Variants in PARD3 observed in about 807,000 individuals in gnomAD.
PARD3 encodes partitioning defective 3 homolog.
PARD3 carries 75 observed loss-of-function variants against 155.4 expected under a neutral mutation model. The ratio of observed to expected loss-of-function variants is 0.48; its 90% CI spans 0.40 to 0.58. The LOEUF (loss-of-function observed/expected upper bound fraction) is 0.58, where lower values mean the gene tolerates loss of function less well. PARD3 is among the 20% of genes least tolerant of loss of function. The pLI, the probability that PARD3 is intolerant of heterozygous loss-of-function variation, is 0.00. For missense variants in PARD3, 1,642 were observed against 1,721.7 expected, an observed-to-expected ratio of 0.95 and a Z score of 0.82; for synonymous variants, 576 against 610.5, an observed-to-expected ratio of 0.94 and a Z score of 0.83.
intron 22 of PARD3, among the ~76,000 whole-genome samples, chr10:34,219,414 A>G (rs1387651843): frequency 6.6e-6 from 1 of 152,234 alleles, no homozygotes; most frequent in Non-Finnish European, 1.5e-5. Flanking sequence ...GAAACCCCAC[A>G]AAAGATGCCA....
At chr10:34,756,475 T>TTTTAAA (rs1564585626) in intron 1 of PARD3, among the ~76,000 whole-genome samples, 1 of 83,776 alleles carries the variant, frequency 1.2e-5, no homozygotes, top group Non-Finnish European at 2.4e-5. Context: ...TTTTTTTTCT[T>TTTTAAA]ATAAAAAAAA....
rs1272982723 is a variant in PARD3 at position 34,471,230 on chromosome 10, A to G, written c.404-967T>C. On this transcript the variant is annotated intron_variant, in intron 3 of 24. Transcript: ENST00000374788. ...TACACGAAAGGTAGTATTTTAGCAA[A>G]TGTATTTGCATAGAAGAGCTTGCTT... is the stretch of plus-strand genomic sequence containing the variant. 2.0e-5 allele frequency among the ~76,000 whole-genome samples: 3 copies of G among 152,330 alleles called. No homozygotes were observed. The East Asian group carries it at 5.8e-4, about 29-fold the overall frequency.
At chr10:34,413,279 A>G (rs1486704975) in intron 5 of PARD3, among the ~76,000 whole-genome samples, 3 of 152,094 alleles carry the variant, frequency 2.0e-5, no homozygotes, top group African/African-American at 7.2e-5. Flanking sequence ...ATGCATTAAT[A>G]CCTGACTCCA....
At chr10:34,592,466 C>CAG (rs1214654022) in intron 2 of PARD3, among the ~76,000 whole-genome samples, 2 of 152,192 alleles carry the variant, frequency 1.3e-5, no homozygotes, top group Non-Finnish European at 2.9e-5. Flanking sequence ...GCACCCCATA[C>CAG]AGAACACTGC....
intron 1 of PARD3, among the ~76,000 whole-genome samples, chr10:34,714,778 T>TAA (rs1326568987): frequency 1.3e-5 from 2 of 149,800 alleles, no homozygotes; most frequent in African/African-American, 4.9e-5. Context: ...CATCAAAATT[T>TAA]TTTTTTTTTT....
intron 1 of PARD3, among the ~76,000 whole-genome samples, chr10:34,721,591 C>T (rs1324631198): frequency 6.6e-6 from 1 of 152,238 alleles, no homozygotes. Context: ...GGCTCAACTA[C>T]TTGCAGGGTT....
At chr10:34,180,601 A>T (rs1287109004) in intron 22 of PARD3, among the ~76,000 whole-genome samples, 1 of 152,234 alleles carries the variant, frequency 6.6e-6, no homozygotes, top group Non-Finnish European at 1.5e-5. Context: ...CTCATACTGT[A>T]GTAGAAACAT....
intron 3 of PARD3, among the ~76,000 whole-genome samples, chr10:34,484,940 G>A (rs1188230883): frequency 6.6e-6 from 1 of 152,082 alleles, no homozygotes; most frequent in Non-Finnish European, 1.5e-5. Flanking sequence ...TAGGTTTTAG[G>A]ACCTTCCTCC....
chr10:34,245,656 G>C (rs1953901193), intron 22 of PARD3, among the ~76,000 whole-genome samples: 1 of 152,110 alleles, frequency 6.6e-6, no homozygotes, highest in Non-Finnish European at 1.5e-5. Flanking sequence ...AAAAAGTATA[G>C]AAATAGAATC....
intron 21 of PARD3, among the ~76,000 whole-genome samples, chr10:34,274,636 T>C (rs975257613): frequency 2.0e-5 from 3 of 152,126 alleles, no homozygotes; most frequent in Non-Finnish European, 4.4e-5. Flanking sequence ...CTGAAGAAGT[T>C]TGAAGGAACA....
intron 22 of PARD3, among the ~76,000 whole-genome samples, chr10:34,160,770 A>G (rs1949237102): frequency 6.6e-6 from 1 of 152,344 alleles, no homozygotes; most frequent in Middle Eastern, 3.4e-3. Context: ...CACAGTATGC[A>G]GTTATTGACA....
chr10:34,543,575 C>T (rs2083810642), intron 2 of PARD3, among the ~76,000 whole-genome samples: 1 of 152,178 alleles, frequency 6.6e-6, no homozygotes, highest in South Asian at 2.1e-4. Context: ...ACATAAGCTC[C>T]TCTTTGCTTT....
intron 1 of PARD3, among the ~76,000 whole-genome samples, chr10:34,732,574 T>A (rs765484063): frequency 1.3e-5 from 2 of 152,116 alleles, no homozygotes; most frequent in Non-Finnish European, 2.9e-5. Flanking sequence ...GGCATGTGCC[T>A]GTAGTTCCAG....
Position 34,390,000 on chromosome 10 carries a change from C to T in PARD3, c.891-5746G>A, listed in dbSNP as rs146574033. On this transcript the variant is annotated intron_variant, in intron 7 of 24. Transcript: ENST00000374788. Reference sequence around the variant, plus strand: ...GCAACTTGTCTCTCTAAAACCAATGCGTATGTTATAGTTCTTTATTATAAC... The same window carrying T: ...GCAACTTGTCTCTCTAAAACCAATGTGTATGTTATAGTTCTTTATTATAAC... Among the ~76,000 whole-genome samples the T allele has an allele frequency of 6.1e-4, 93 of 152,262 alleles. 2 individuals carry two copies. In the East Asian group the frequency reaches 0.016, roughly 26 times the overall value.
intron 2 of PARD3, among the ~76,000 whole-genome samples, chr10:34,669,091 C>T (rs2093558842): frequency 6.6e-6 from 1 of 152,122 alleles, no homozygotes; most frequent in South Asian, 2.1e-4. Flanking sequence ...CCATTTGATC[C>T]AGCAATCCCA....
chr10:34,783,741 A>C (rs988025921), intron 1 of PARD3, among the ~76,000 whole-genome samples: 2 of 152,124 alleles, frequency 1.3e-5, no homozygotes, highest in African/African-American at 4.8e-5. Flanking sequence ...AAGGGAGAAC[A>C]ACCCATAATC....
At chr10:34,621,927 C>T (rs1185311292) in intron 2 of PARD3, among the ~76,000 whole-genome samples, 5 of 152,172 alleles carry the variant, frequency 3.3e-5, no homozygotes, top group Non-Finnish European at 7.3e-5. Flanking sequence ...TTGTAACAGT[C>T]CATGTAAGTT....
chr10:34,441,493 A>G lies in PARD3; in HGVS notation c.714+8824T>C, dbSNP rs543367753. Reference sequence around the variant, plus strand: ...GAAACAGGACACACTCATTGGAGGGACAGGTTTCCAACCCTGAAACATGCT... The same window carrying G: ...GAAACAGGACACACTCATTGGAGGGGCAGGTTTCCAACCCTGAAACATGCT... On this transcript the variant is annotated intron_variant, in intron 5 of 24. Coordinates refer to ENST00000374788, the MANE Select transcript of PARD3 (RefSeq NM_001184785.2). 2.6e-5 allele frequency among the ~76,000 whole-genome samples: 4 copies of G among 152,328 alleles called. No homozygotes were observed. In the South Asian group the frequency reaches 8.3e-4, roughly 32 times the overall value.
chr10:34,369,085 G>T (rs1840299919), intron 12 of PARD3, among the ~76,000 whole-genome samples: 1 of 151,602 alleles, frequency 6.6e-6, no homozygotes, highest in Non-Finnish European at 1.5e-5. Flanking sequence ...TGCAGATTCT[G>T]GTGTCAGACA....
Sources: allele counts gnomAD v4.1 joint callset (sites outside exome capture counted in the v4.1 genomes callset), GRCh38; gene constraint gnomAD v4.1.1; transcripts MANE v1.5; gene names NCBI Gene and HGNC (gene_info 2026-07-23, HGNC 2026-07-21).